DIAPH3: variants seen among roughly 807,000 people sequenced by gnomAD.
DIAPH3 encodes diaphanous related formin 3, also known as protein diaphanous homolog 3.
In DIAPH3, 117 loss-of-function variants were observed where a neutral mutation model predicts 144.3. The ratio of observed to expected loss-of-function variants is 0.81; its 90% CI spans 0.70 to 0.95. The LOEUF (loss-of-function observed/expected upper bound fraction) is 0.95. Ranked by LOEUF, DIAPH3 falls within the 40% of genes least tolerant of loss-of-function variation. DIAPH3 has a pLI of 0.00. For synonymous variants in DIAPH3, 519 were observed against 488.9 expected (o/e 1.06, Z -0.81); for missense variants, 1,421 against 1,412.7 (o/e 1.01, Z -0.09).
intron 20 of DIAPH3, among the ~76,000 whole-genome samples, chr13:59,886,607 CA>C (rs1386583614): frequency 6.6e-6 from 1 of 151,840 alleles, no homozygotes; most frequent in Admixed American, 6.6e-5. Context: ...TAATAAATAC[CA>C]TTTCTTTACA....
rs561468848 is a variant in DIAPH3, at chr13:59,956,346, G to A, written c.2074+13598C>T. 5.3e-5 allele frequency among the ~76,000 whole-genome samples: 8 copies of A among 152,294 alleles called. No homozygotes were observed. In the South Asian group the frequency reaches 1.2e-3, roughly 24 times the overall value. On this transcript the variant is annotated intron_variant, in intron 17 of 27. Coordinates refer to ENST00000400324, the MANE Select transcript of DIAPH3 (RefSeq NM_001042517.2). Reference sequence around the variant, plus strand: ...GGGCCTTGCTGCTTTATGCAGTCTCGGGACTTGGTGCCCTGTGTCCCAGCT... The same window carrying A: ...GGGCCTTGCTGCTTTATGCAGTCTCAGGACTTGGTGCCCTGTGTCCCAGCT...
chr13:59,731,671 T>C (rs2035896945), intron 27 of DIAPH3, among the ~76,000 whole-genome samples: 1 of 152,170 alleles, frequency 6.6e-6, no homozygotes, highest in Admixed American at 6.5e-5. Flanking sequence ...TAAATCAACG[T>C]TGAGACATAA....
At chr13:59,858,343 A>G (rs904884117) in intron 22 of DIAPH3, among the ~76,000 whole-genome samples, 2 of 152,178 alleles carry the variant, frequency 1.3e-5, no homozygotes, top group Non-Finnish European at 2.9e-5. Flanking sequence ...ATTGGGTTTC[A>G]CTAAGACACA....
chr13:59,865,318 T>C (rs908245869), intron 21 of DIAPH3, among the ~76,000 whole-genome samples: 1 of 152,074 alleles, frequency 6.6e-6, no homozygotes, highest in African/African-American at 2.4e-5. Context: ...TCATAATCAG[T>C]TTCTGAGCTA....
At chr13:59,988,883 G>A (rs2051612107) in intron 12 of DIAPH3, among the ~76,000 whole-genome samples, 1 of 151,624 alleles carries the variant, frequency 6.6e-6, no homozygotes, top group African/African-American at 2.4e-5. Context: ...CTGTATTTCA[G>A]CCCCCTCCCT....
chr13:60,095,036 G>A (rs1349286013), intron 3 of DIAPH3, among the ~76,000 whole-genome samples: 1 of 102,286 alleles, frequency 9.8e-6, no homozygotes, highest in African/African-American at 3.8e-5. Flanking sequence ...CTGGAGGCAT[G>A]TTAGTTGTCA....
intron 23 of DIAPH3, 101 bp from the exon 24 acceptor site, chr13:59,833,372 A>C: frequency 1.1e-6 from 1 of 877,598 alleles, no homozygotes; most frequent in Admixed American, 2.9e-5. Flanking sequence ...CACCATTACT[A>C]TATTTCCAAA....
intron 1 of DIAPH3, among the ~76,000 whole-genome samples, chr13:60,156,353 G>C (rs1052007088): frequency 1.3e-5 from 2 of 152,194 alleles, no homozygotes; most frequent in African/African-American, 4.8e-5. Flanking sequence ...GGTATTATGT[G>C]CAAGTGTGGC....
At chr13:60,014,617 G>T (rs190477641) in intron 7 of DIAPH3, among the ~76,000 whole-genome samples, 1 of 152,050 alleles carries the variant, frequency 6.6e-6, no homozygotes, top group African/African-American at 2.4e-5. Flanking sequence ...AATAATTTAC[G>T]TACTAGTACT....
chr13:59,740,176 C>G (rs1006431906), intron 27 of DIAPH3, among the ~76,000 whole-genome samples: 2 of 152,166 alleles, frequency 1.3e-5, no homozygotes, highest in African/African-American at 4.8e-5. Flanking sequence ...AGAATTGTTT[C>G]AGACTATTCT....
At chr13:59,860,441 T>C (rs2043508746) in intron 22 of DIAPH3, among the ~76,000 whole-genome samples, 1 of 152,094 alleles carries the variant, frequency 6.6e-6, no homozygotes, top group African/African-American at 2.4e-5. Context: ...CAATGTGAAA[T>C]ATAAATGAAA....
chr13:59,756,014 A>C (rs971069989), intron 27 of DIAPH3, among the ~76,000 whole-genome samples: 1 of 152,228 alleles, frequency 6.6e-6, no homozygotes, highest in Non-Finnish European at 1.5e-5. Flanking sequence ...GATAAAGGTG[A>C]TCCAGATCTT....
chr13:60,082,370 C>CA (rs1239858537), intron 4 of DIAPH3, among the ~76,000 whole-genome samples: 2 of 146,758 alleles, frequency 1.4e-5, no homozygotes, highest in African/African-American at 5.0e-5. Flanking sequence ...AAAACCAAAG[C>CA]AAAAAATTAG....
chr13:60,057,798 G>A (rs138912056), intron 4 of DIAPH3, among the ~76,000 whole-genome samples: 248 of 152,018 alleles, frequency 1.6e-3, no homozygotes, highest in African/African-American at 5.8e-3. Context: ...TTGGAGAAAG[G>A]ACACCTTATT....
chr13:59,956,173 G>T (rs1423612422), intron 17 of DIAPH3, among the ~76,000 whole-genome samples: 1 of 152,218 alleles, frequency 6.6e-6, no homozygotes, highest in Non-Finnish European at 1.5e-5. Context: ...ATCAGCTGCA[G>T]AAATTTGCAT....
At chr13:60,118,902 G>A (rs1263561387) in intron 2 of DIAPH3, among the ~76,000 whole-genome samples, 2 of 152,090 alleles carry the variant, frequency 1.3e-5, no homozygotes, top group East Asian at 1.9e-4. Flanking sequence ...CCCCTTATCC[G>A]TCACAGCACA....
At chr13:60,157,000 A>G (rs1952067087) in intron 1 of DIAPH3, among the ~76,000 whole-genome samples, 2 of 141,342 alleles carry the variant, frequency 1.4e-5, no homozygotes, top group African/African-American at 5.3e-5. Flanking sequence ...GCTGGAGTGC[A>G]GTGGCACAAT....
chr13:59,832,266 G>GT (rs1302572985), intron 24 of DIAPH3, among the ~76,000 whole-genome samples: 1 of 151,700 alleles, frequency 6.6e-6, no homozygotes, highest in Non-Finnish European at 1.5e-5. Context: ...TAAAAATAGT[G>GT]TTTTTATTAA....
intron 21 of DIAPH3, among the ~76,000 whole-genome samples, chr13:59,861,984 G>T (rs2043621174): frequency 6.6e-6 from 1 of 152,150 alleles, no homozygotes. Context: ...ATACGTATTT[G>T]CCTTGGTGTG....
Sources: allele counts gnomAD v4.1 joint callset (sites outside exome capture counted in the v4.1 genomes callset), GRCh38; gene constraint gnomAD v4.1.1; transcripts MANE v1.5; gene names NCBI Gene and HGNC (gene_info 2026-07-23, HGNC 2026-07-21).